The following TERF1 variants were observed in gnomAD, a reference collection of about 807,000 sequenced individuals.
TERF1 encodes telomeric repeat binding factor 1, also known as telomeric repeat-binding factor 1.
Under a neutral mutation model 55.1 loss-of-function variants are expected in TERF1, and 20 were observed. The ratio of observed to expected loss-of-function variants is 0.36; its 90% CI spans 0.26 to 0.53. The LOEUF is 0.53. Ranked by LOEUF, TERF1 falls within the 20% of genes least tolerant of loss-of-function variation. The probability of loss-of-function intolerance (pLI) is 0.91; values close to 1 mark genes in which losing one functional copy is unlikely to be tolerated. For missense variants in TERF1, 439 were observed against 535.7 expected, an observed-to-expected ratio of 0.82 and a Z score of 1.78; for synonymous variants, 168 against 181.2, an observed-to-expected ratio of 0.93 and a Z score of 0.59.
Position 73,037,835 on chromosome 8 carries a change from AAT to A in TERF1, c.1040-1273_1040-1272del, listed in dbSNP as rs534882910. On this transcript the variant is annotated intron_variant, in intron 8 of 9. Coordinates refer to ENST00000276603, the MANE Select transcript of TERF1 (RefSeq NM_017489.3). The stretch of plus-strand genomic sequence containing the variant: ...TATTATATATAATATATAGTATAAT[AAT>A]ATATATAATATATAATATATAAATA... 4.9e-3 allele frequency among the ~76,000 whole-genome samples: 488 copies of A among 98,948 alleles called. 2 individuals carry two copies. The highest frequency in any genetic ancestry group is 0.014 in the Middle Eastern group (3 of 208). The allele number at this position is 98,948 out of a possible 152,430, so 64.9% of individuals were successfully genotyped here. A position where few individuals can be genotyped will look rare whatever the true frequency, so the allele number is the denominator to read the frequency against.
At chr8:73,037,919 T>TATA (rs1809669649) in intron 8 of TERF1, among the ~76,000 whole-genome samples, 1 of 128,004 alleles carries the variant, frequency 7.8e-6, no homozygotes, top group Non-Finnish European at 1.6e-5. Context: ...ATATAATATA[T>TATA]AATATATATA....
At chr8:73,013,088 C>T (rs1020027107) in intron 1 of TERF1, among the ~76,000 whole-genome samples, 4 of 152,098 alleles carry the variant, frequency 2.6e-5, no homozygotes, top group South Asian at 2.1e-4. Context: ...AAAATATATT[C>T]GTCTTATATG....
Position 73,047,796 on chromosome 8 carries a change from T to C in TERF1, c.*1659T>C, listed in dbSNP as rs1234461195. On this transcript the variant is annotated 3_prime_UTR_variant, in exon 10 of 10. Transcript: ENST00000276603. ...TGTTACACCACAAGATACTGCACTA[T>C]TTATTGGAGATATTTTGATGATTAG... The C allele has an allele frequency of 6.6e-6, 1 of 152,198 alleles. No individual in the cohort carries two copies. The highest frequency in any genetic ancestry group is 1.5e-5 in the Non-Finnish European group (1 of 68,034). 9.4% of individuals were successfully genotyped at this position (152,198 alleles called of 1,614,324 possible). A position where few individuals can be genotyped will look rare whatever the true frequency, so the allele number is the denominator to read the frequency against.
chr8:73,031,988 C>T, intron 7 of TERF1, 54 bp from the exon 8 acceptor site: 2 of 1,241,516 alleles, frequency 1.6e-6, no homozygotes, highest in South Asian at 2.5e-5. Context: ...ACCTGTTTTC[C>T]ATTGCCTTAC....
intron 9 of TERF1, among the ~76,000 whole-genome samples, chr8:73,041,140 C>T (rs1809815218): frequency 6.6e-6 from 1 of 152,078 alleles, no homozygotes; most frequent in African/African-American, 2.4e-5. Context: ...GTGTTTTTTG[C>T]TTTTTAGCAT....
In TERF1 at chr8:73,047,780, AC is replaced by A. The variant is rs1810103249; in HGVS notation, c.*1644del. 1 of 152,206 alleles carries A rather than the reference AC, an allele frequency of 6.6e-6. No homozygotes were observed. Among genetic ancestry groups the A allele is most frequent in the Admixed American group, 6.5e-5 (1 of 15,272 alleles). 9.4% of individuals were successfully genotyped at this position (152,206 alleles called of 1,614,324 possible). On this transcript the variant is annotated 3_prime_UTR_variant, in exon 10 of 10. Coordinates refer to ENST00000276603, the MANE Select transcript of TERF1 (RefSeq NM_017489.3). ...CCTGACTCCTTTATCTTGTTACACC[AC>A]AAGATACTGCACTATTTATTGGAGA...
chr8:73,033,624 C>T (rs1308286953), intron 8 of TERF1, among the ~76,000 whole-genome samples: 1 of 152,108 alleles, frequency 6.6e-6, no homozygotes, highest in East Asian at 1.9e-4. Context: ...ATGCCAGCTA[C>T]TCAGGAGGCT....
intron 6 of TERF1, 129 bp downstream of exon 6, chr8:73,027,181 G>A: frequency 1.5e-6 from 1 of 673,246 alleles, no homozygotes; most frequent in Non-Finnish European, 2.4e-6. Flanking sequence ...TAACATTTAG[G>A]TATTTGAAGT....
At chr8:73,028,833 T>C (rs575200115) in intron 6 of TERF1, among the ~76,000 whole-genome samples, 1 of 152,314 alleles carries the variant, frequency 6.6e-6, no homozygotes, top group South Asian at 2.1e-4. Flanking sequence ...AAAGGACTTA[T>C]CTTCGTTGGT....
chr8:73,039,457 T>G (rs1809742543), intron 9 of TERF1, among the ~76,000 whole-genome samples: 1 of 152,208 alleles, frequency 6.6e-6, no homozygotes, highest in Admixed American at 6.5e-5. Flanking sequence ...TTGGAATTAT[T>G]GTGATACTAT....
intron 4 of TERF1, among the ~76,000 whole-genome samples, chr8:73,023,522 G>A (rs1276673531): frequency 6.6e-6 from 1 of 152,138 alleles, no homozygotes; most frequent in Non-Finnish European, 1.5e-5. Context: ...TGTACCTGGG[G>A]TATAACCCTC....
chr8:73,035,743 A>C (rs995620901), intron 8 of TERF1, among the ~76,000 whole-genome samples: 1 of 152,200 alleles, frequency 6.6e-6, no homozygotes, highest in Non-Finnish European at 1.5e-5. Context: ...AAATCTCTCC[A>C]TCAGAGCTAG....
intron 9 of TERF1, among the ~76,000 whole-genome samples, chr8:73,040,592 T>C (rs916314525): frequency 3.3e-5 from 5 of 152,198 alleles, no homozygotes; most frequent in African/African-American, 1.2e-4. Flanking sequence ...TAGTTTGTTA[T>C]TTATCCTGCT....
chr8:73,023,828 A>G (rs1383069046), intron 4 of TERF1, among the ~76,000 whole-genome samples: 4 of 152,216 alleles, frequency 2.6e-5, no homozygotes, highest in Non-Finnish European at 4.4e-5. Context: ...TTGAGAAATG[A>G]TTGTACTGCC....
intron 2 of TERF1, among the ~76,000 whole-genome samples, chr8:73,014,200 T>C (rs771183800): frequency 2.3e-4 from 34 of 149,432 alleles, no homozygotes; most frequent in Non-Finnish European, 2.8e-4. Flanking sequence ...AGAACATTGG[T>C]TCTCAAACTT....
rs56028405 is a variant in TERF1 at position 73,023,496 on chromosome 8, A to G, written c.624+1194A>G. Among the ~76,000 whole-genome samples, 235 of 152,290 alleles carry G rather than the reference A, an allele frequency of 1.5e-3. 1 individual carries two copies. Among genetic ancestry groups the G allele is most frequent in the African/African-American group, 5.3e-3 (221 of 41,578 alleles). On this transcript the variant is annotated intron_variant, in intron 4 of 9. Coordinates refer to ENST00000276603, the MANE Select transcript of TERF1 (RefSeq NM_017489.3). Reference sequence around the variant, plus strand: ...GGGCAGTTTTGGCAAGGCTTTGTCTATCTCTAATTTAACCCTGTACCTGGG... The same window carrying G: ...GGGCAGTTTTGGCAAGGCTTTGTCTGTCTCTAATTTAACCCTGTACCTGGG...
chr8:73,037,304 CTATCT>C (rs1358228225), intron 8 of TERF1, among the ~76,000 whole-genome samples: 1 of 133,000 alleles, frequency 7.5e-6, no homozygotes, highest in Non-Finnish European at 1.6e-5. Flanking sequence ...TCTTATCTAC[CTATCT>C]ACTTACCTAC....
At chr8:73,011,710 A>G (rs553798953) in intron 1 of TERF1, 1 of 152,554 alleles carries the variant, frequency 6.6e-6, no homozygotes, top group South Asian at 2.1e-4. Flanking sequence ...TCATGAACCA[A>G]CAACCTCTGC....
intron 8 of TERF1, among the ~76,000 whole-genome samples, chr8:73,037,793 TA>T (rs11308836): frequency 0.59 from 51,633 of 88,044 alleles, 16,215 homozygotes; most frequent in Middle Eastern, 0.76. Flanking sequence ...ATATAATATA[TA>T]GTATAATAAT....
Sources: allele counts gnomAD v4.1 joint callset (sites outside exome capture counted in the v4.1 genomes callset), GRCh38; gene constraint gnomAD v4.1.1; transcripts MANE v1.5; gene names NCBI Gene and HGNC (gene_info 2026-07-23, HGNC 2026-07-21).